The following RAB2A variants were observed in gnomAD, a reference collection of about 807,000 sequenced individuals.
The protein encoded by RAB2A is ras-related protein Rab-2A.
Under a neutral mutation model 32.5 loss-of-function variants are expected in RAB2A, and 7 were observed. The ratio of observed to expected loss-of-function variants is 0.22; its 90% CI spans 0.12 to 0.40. The LOEUF is 0.40. Among genes scored for constraint, RAB2A ranks in the 10% least tolerant of loss-of-function variants. The pLI, the probability that RAB2A is intolerant of heterozygous loss-of-function variation, is 1.00. For synonymous variants in RAB2A, 79 were observed against 85.2 expected, an observed-to-expected ratio of 0.93 and a Z score of 0.40; for missense variants, 108 against 260.7, an observed-to-expected ratio of 0.41 and a Z score of 4.03.
At chr8:60,594,887 G>A (rs1803999201) in intron 6 of RAB2A, among the ~76,000 whole-genome samples, 1 of 152,172 alleles carries the variant, frequency 6.6e-6, no homozygotes, top group Non-Finnish European at 1.5e-5. Context: ...ACCATTGATG[G>A]ACATTTGGGT....
At chr8:60,603,378 G>C (rs1438624101) in intron 6 of RAB2A, among the ~76,000 whole-genome samples, 1 of 152,162 alleles carries the variant, frequency 6.6e-6, no homozygotes, top group Non-Finnish European at 1.5e-5. Context: ...GTAAGGGATT[G>C]GATAATTTAC....
At chr8:60,569,998 C>A (rs1384015745) in intron 2 of RAB2A, 2 of 456,240 alleles carry the variant, frequency 4.4e-6, no homozygotes, top group Middle Eastern at 3.3e-4. Flanking sequence ...CTGTTAAGAG[C>A]TATCCTGCAG....
At chr8:60,553,476 T>G (rs1168682962) in intron 1 of RAB2A, among the ~76,000 whole-genome samples, 2 of 152,202 alleles carry the variant, frequency 1.3e-5, no homozygotes, top group Non-Finnish European at 2.9e-5. Flanking sequence ...TTTGTTTTCA[T>G]TTTTATTGAA....
intron 1 of RAB2A, among the ~76,000 whole-genome samples, chr8:60,544,359 A>G (rs141255771): frequency 1.4e-4 from 21 of 151,766 alleles, no homozygotes; most frequent in Middle Eastern, 3.4e-3. Flanking sequence ...TTTTTAAAAT[A>G]TATATTTAAG....
At chr8:60,597,451 G>A (rs1052735490) in intron 6 of RAB2A, among the ~76,000 whole-genome samples, 2 of 152,062 alleles carry the variant, frequency 1.3e-5, no homozygotes, top group African/African-American at 4.8e-5. Flanking sequence ...TGGGGGGTGG[G>A]GGCCTAGGGG....
At chr8:60,580,474 G>C (rs1383287677) in intron 3 of RAB2A, among the ~76,000 whole-genome samples, 1 of 151,820 alleles carries the variant, frequency 6.6e-6, no homozygotes, top group Non-Finnish European at 1.5e-5. Context: ...CATTATCAAA[G>C]AGAATAGGCC....
At chr8:60,522,985 T>C (rs752007474) in intron 1 of RAB2A, among the ~76,000 whole-genome samples, 1 of 152,146 alleles carries the variant, frequency 6.6e-6, no homozygotes, top group Non-Finnish European at 1.5e-5. Context: ...ATAAGCAGAT[T>C]TGTTAGAATT....
At chr8:60,616,819 C>T (rs1043208968) in intron 6 of RAB2A, among the ~76,000 whole-genome samples, 3 of 152,112 alleles carry the variant, frequency 2.0e-5, no homozygotes, top group African/African-American at 7.2e-5. Context: ...GTGCTTGGTG[C>T]AGTAATTGAG....
intron 1 of RAB2A, chr8:60,558,521 C>A: frequency 2.0e-6 from 1 of 491,256 alleles, no homozygotes; most frequent in South Asian, 1.5e-5. Context: ...CACTGTAACA[C>A]AAAAAACAAA....
At chr8:60,596,801 G>C (rs769366145) in intron 6 of RAB2A, among the ~76,000 whole-genome samples, 3 of 152,044 alleles carry the variant, frequency 2.0e-5, no homozygotes, top group Non-Finnish European at 4.4e-5. Context: ...GGCGCCTGTA[G>C]TCCCAGCTAC....
At chr8:60,535,741 T>C (rs1807546781) in intron 1 of RAB2A, among the ~76,000 whole-genome samples, 1 of 152,224 alleles carries the variant, frequency 6.6e-6, no homozygotes, top group Admixed American at 6.5e-5. Context: ...ATTGCTGTTA[T>C]CAATACGGCC....
intron 3 of RAB2A, among the ~76,000 whole-genome samples, chr8:60,580,811 A>G (rs866988121): frequency 2.6e-5 from 4 of 152,150 alleles, no homozygotes; most frequent in South Asian, 2.1e-4. Context: ...ACTCTTTACT[A>G]TCTCTTATCT....
chr8:60,603,054 CAG>C (rs1213767202), intron 6 of RAB2A, among the ~76,000 whole-genome samples: 1 of 152,168 alleles, frequency 6.6e-6, no homozygotes, highest in African/African-American at 2.4e-5. Context: ...TGTCTAGTGA[CAG>C]TGGTGGTTGG....
At chr8:60,565,417 C>CAAAAA (rs34983530) in intron 2 of RAB2A, among the ~76,000 whole-genome samples, 4 of 111,376 alleles carry the variant, frequency 3.6e-5, no homozygotes, top group African/African-American at 9.2e-5. Flanking sequence ...AGACCTGCCT[C>CAAAAA]AAAAAAAAAA....
chr8:60,602,142 T>C (rs1804144579), intron 6 of RAB2A, among the ~76,000 whole-genome samples: 1 of 152,236 alleles, frequency 6.6e-6, no homozygotes, highest in Admixed American at 6.5e-5. Context: ...CCTCCCAACG[T>C]GCTGGGATTA....
At chr8:60,546,252 T>G (rs983802538) in intron 1 of RAB2A, among the ~76,000 whole-genome samples, 1 of 152,236 alleles carries the variant, frequency 6.6e-6, no homozygotes, top group Non-Finnish European at 1.5e-5. Flanking sequence ...GACTTTTTCT[T>G]TTTTCTTAAG....
At chr8:60,596,920 C>CA (rs1490945334) in intron 6 of RAB2A, among the ~76,000 whole-genome samples, 7 of 150,026 alleles carry the variant, frequency 4.7e-5, no homozygotes, top group South Asian at 2.1e-4. Flanking sequence ...GACTCTGTCT[C>CA]AAAAAAAATA....
In RAB2A at chr8:60,556,641, T is replaced by TAAA. The variant is rs11393857; in HGVS notation, c.47-2192_47-2190dup. Among the ~76,000 whole-genome samples the TAAA allele has an allele frequency of 8.0e-3, 853 of 106,522 alleles. 11 individuals carry two copies. Among genetic ancestry groups the TAAA allele is most frequent in the African/African-American group, 0.025 (787 of 30,876 alleles). 69.9% of individuals were successfully genotyped at this position (106,522 alleles called of 152,430 possible). A position where few individuals can be genotyped will look rare whatever the true frequency, so the allele number is the denominator to read the frequency against. ...ATAGTGAGACCCTACCTCTTTTTAA[T>TAAA]AAAAAAAAAAAAAAAAAAAAAGAGG... On this transcript the variant is annotated intron_variant, in intron 1 of 7. Coordinates refer to ENST00000262646, the MANE Select transcript of RAB2A (RefSeq NM_002865.3).
At chr8:60,613,370 C>CT (rs1274324776) in intron 6 of RAB2A, among the ~76,000 whole-genome samples, 1 of 152,176 alleles carries the variant, frequency 6.6e-6, no homozygotes, top group African/African-American at 2.4e-5. Context: ...GTTTTCAGTG[C>CT]TTTACATTAA....
Sources: allele counts gnomAD v4.1 joint callset (sites outside exome capture counted in the v4.1 genomes callset), GRCh38; gene constraint gnomAD v4.1.1; transcripts MANE v1.5; gene names NCBI Gene and HGNC (gene_info 2026-07-23, HGNC 2026-07-21).